ENTREP2: variants seen among roughly 807,000 people sequenced by gnomAD.
ENTREP2 encodes endosomal transmembrane epsin interactor 2, also known as protein ENTREP2.
the ENTREP2 span, among the ~76,000 whole-genome samples, chr15:29,482,975 C>G: frequency 2.0e-5 from 3 of 152,232 alleles, no homozygotes; most frequent in Non-Finnish European, 4.4e-5. Context: ...ATGAGACTCC[C>G]TGTTGCTCCA....
chr15:29,657,199 C>A, the ENTREP2 span, among the ~76,000 whole-genome samples: 56 of 151,558 alleles, frequency 3.7e-4, no homozygotes, highest in African/African-American at 1.3e-3. Flanking sequence ...ACGCGCCCAC[C>A]ACCACGCCGC....
the ENTREP2 span, among the ~76,000 whole-genome samples, chr15:29,602,260 GA>G: frequency 6.6e-6 from 1 of 152,176 alleles, no homozygotes; most frequent in Admixed American, 6.6e-5. Flanking sequence ...CCTTGTGTAT[GA>G]AAAAATACTC....
the ENTREP2 span, among the ~76,000 whole-genome samples, chr15:29,608,066 G>A: frequency 3.9e-5 from 6 of 152,050 alleles, no homozygotes; most frequent in Admixed American, 1.3e-4. Flanking sequence ...GCCTTTTCAC[G>A]TTTTTCTGCC....
At chr15:29,446,632 T>A in the ENTREP2 span, among the ~76,000 whole-genome samples, 2 of 152,210 alleles carry the variant, frequency 1.3e-5, no homozygotes, top group African/African-American at 4.8e-5. Context: ...CACCTGTGCA[T>A]TAGTTTTGTA....
chr15:29,486,925 G>C, the ENTREP2 span, among the ~76,000 whole-genome samples: 9,625 of 152,146 alleles, frequency 0.063, 365 homozygotes, highest in Non-Finnish European at 0.073. Flanking sequence ...GTTGGTTAAT[G>C]GATACAAAGT....
chr15:29,143,818 A>G, the ENTREP2 span, among the ~76,000 whole-genome samples: 12 of 152,354 alleles, frequency 7.9e-5, no homozygotes, highest in African/African-American at 2.9e-4. Context: ...CTCAGAACAA[A>G]GAGGCCGACA....
At chr15:29,235,417 C>G in the ENTREP2 span, among the ~76,000 whole-genome samples, 1 of 152,080 alleles carries the variant, frequency 6.6e-6, no homozygotes, top group African/African-American at 2.4e-5. Flanking sequence ...CTGGCCACAC[C>G]TTAGCTTTTC....
chr15:29,150,452 AT>A, the ENTREP2 span, among the ~76,000 whole-genome samples: 2 of 152,222 alleles, frequency 1.3e-5, no homozygotes, highest in Non-Finnish European at 2.9e-5. Context: ...GTTTGGTCAA[AT>A]GGATGTGATA....
the ENTREP2 span, among the ~76,000 whole-genome samples, chr15:29,625,547 C>T: frequency 6.6e-6 from 1 of 151,982 alleles, no homozygotes; most frequent in Admixed American, 6.6e-5. Context: ...ATGTACTTGC[C>T]ACCACACCTG....
At chr15:29,125,922 A>G in the ENTREP2 span, among the ~76,000 whole-genome samples, 2 of 152,168 alleles carry the variant, frequency 1.3e-5, no homozygotes, top group Non-Finnish European at 2.9e-5. Flanking sequence ...TGACACCCCC[A>G]TGCCCAGAGC....
At chr15:29,207,901 A>G in the ENTREP2 span, among the ~76,000 whole-genome samples, 1 of 152,184 alleles carries the variant, frequency 6.6e-6, no homozygotes, top group East Asian at 1.9e-4. Flanking sequence ...TGGGCGTGTC[A>G]CTGAGGGATC....
chr15:29,540,457 C>T, the ENTREP2 span, among the ~76,000 whole-genome samples: 1 of 152,208 alleles, frequency 6.6e-6, no homozygotes, highest in Non-Finnish European at 1.5e-5. Context: ...ACAAACCTGA[C>T]AACTCTGTTT....
At chr15:29,373,651 C>T in the ENTREP2 span, 44 of 144,828 alleles carry the variant, frequency 3.0e-4, no homozygotes, top group Non-Finnish European at 5.3e-4. Context: ...TTATTGTCTC[C>T]TACTTGAGTT....
the ENTREP2 span, among the ~76,000 whole-genome samples, chr15:29,417,677 C>T: frequency 1.3e-5 from 2 of 151,558 alleles, no homozygotes; most frequent in Admixed American, 1.3e-4. Context: ...TAATAATAAT[C>T]TACGTAAAAA....
the ENTREP2 span, among the ~76,000 whole-genome samples, chr15:29,325,190 A>C: frequency 2.6e-5 from 4 of 152,332 alleles, no homozygotes; most frequent in Admixed American, 2.0e-4. Flanking sequence ...AGCCATACTC[A>C]AGGAGAATTT....
the ENTREP2 span, among the ~76,000 whole-genome samples, chr15:29,463,897 C>T: frequency 6.6e-6 from 1 of 152,130 alleles, no homozygotes; most frequent in African/African-American, 2.4e-5. Context: ...GAAATATTGA[C>T]ACATGCTCCA....
the ENTREP2 span, among the ~76,000 whole-genome samples, chr15:29,274,546 T>C: frequency 6.6e-6 from 1 of 152,200 alleles, no homozygotes. Flanking sequence ...AAATGAGGCC[T>C]AAACCTGGCA....
the ENTREP2 span, among the ~76,000 whole-genome samples, chr15:29,563,844 A>AAAT: frequency 0.11 from 16,250 of 150,802 alleles, 895 homozygotes; most frequent in Middle Eastern, 0.18. Context: ...CTCAAAAATA[A>AAAT]AAATAAATAA....
chr15:29,537,829 C>A, the ENTREP2 span, among the ~76,000 whole-genome samples: 2 of 152,136 alleles, frequency 1.3e-5, no homozygotes, highest in African/African-American at 2.4e-5. Context: ...ATTGCTCCCC[C>A]TCTTCCTCAC....
Sources: gnomAD v4.1 joint callset for allele counts (sites outside exome capture counted in the v4.1 genomes callset) on GRCh38, gnomAD v4.1.1 for gene constraint, MANE v1.5 for transcripts, NCBI Gene and HGNC (gene_info 2026-07-23, HGNC 2026-07-21) for gene names.